PDK3: variants seen among roughly 807,000 people sequenced by gnomAD.
PDK3 encodes pyruvate dehydrogenase kinase, isozyme 3.
A neutral mutation model predicts 32.0 loss-of-function variants in PDK3; 12 were observed. That is an observed-to-expected ratio of 0.37 (90% confidence interval 0.24 to 0.61). PDK3 has a LOEUF of 0.61. Among genes scored for constraint, PDK3 ranks in the 20% least tolerant of loss-of-function variants. PDK3 has a pLI of 0.65. For missense variants in PDK3, 188 were observed against 316.9 expected (o/e 0.59, Z 3.09); for synonymous variants, 122 against 116.3 (o/e 1.05, Z -0.31).
intron 1 of PDK3, among the ~76,000 whole-genome samples, chrX:24,491,278 CAAAAAAA>C (rs55876160): frequency 1.5e-5 from 1 of 68,809 alleles, no homozygotes; most frequent in Non-Finnish European, 2.9e-5. Flanking sequence ...GACCCTGTCT[CAAAAAAA>C]AAAAAAAAGA....
chrX:24,503,420 G>A lies in PDK3; in HGVS notation c.414G>A (p.Gly138=). 1.7e-6 allele frequency: 2 copies of A among 1,205,072 alleles called. No individual in the cohort carries two copies. The highest frequency in any genetic ancestry group is 3.0e-5 in the East Asian group (1 of 33,757). Residue 138 remains glycine, a synonymous_variant, in exon 4 of 11, where the codon GGG becomes GGA. Transcript: ENST00000379162. ...QGVIEYKEKF[G]FDPFISTNIQ... is the part of the protein sequence containing the mutation. ...TGATTGAATACAAGGAGAAGTTTGG[G>A]TTTGATCCTTTCATTAGCACTAACA...
chrX:24,499,189 A>G (rs1782508428), intron 3 of PDK3: 1 of 160,937 alleles, frequency 6.2e-6, no homozygotes, highest in Admixed American at 8.3e-5. Flanking sequence ...TAAATGTTCC[A>G]TCTAGTGGTA....
At chrX:24,487,425 C>T (rs780797554) in intron 1 of PDK3, among the ~76,000 whole-genome samples, 2 of 111,841 alleles carry the variant, frequency 1.8e-5, no homozygotes, top group Admixed American at 9.5e-5. Context: ...CTATTGGGTA[C>T]TGTGCACACT....
intron 2 of PDK3, among the ~76,000 whole-genome samples, chrX:24,498,134 C>T (rs935769947): frequency 1.8e-5 from 2 of 112,382 alleles, no homozygotes; most frequent in African/African-American, 6.5e-5. Context: ...AAGTTCTTGG[C>T]AGGCACTTCA....
intron 6 of PDK3, among the ~76,000 whole-genome samples, chrX:24,520,565 C>G (rs998375358): frequency 8.9e-6 from 1 of 111,984 alleles, no homozygotes; most frequent in Non-Finnish European, 1.9e-5. Context: ...TTTGCACATT[C>G]CTTTTTTTAT....
intron 1 of PDK3, among the ~76,000 whole-genome samples, chrX:24,488,403 CAG>C (rs751183236): frequency 7.4e-4 from 83 of 112,375 alleles, no homozygotes; most frequent in African/African-American, 2.6e-3. Flanking sequence ...AAAAAACAAA[CAG>C]AGGCCAGGCG....
At chrX:24,500,731 G>A (rs992760919) in intron 3 of PDK3, among the ~76,000 whole-genome samples, 2 of 111,894 alleles carry the variant, frequency 1.8e-5, no homozygotes, top group African/African-American at 6.5e-5. Flanking sequence ...TTTACCAAGA[G>A]GTTGTATGGG....
exon 12 of PDK3, chrX:24,546,023 C>T (rs1356030902): frequency 1.8e-5 from 2 of 111,982 alleles, no homozygotes; most frequent in African/African-American, 6.5e-5. Flanking sequence ...GTTAGTGATT[C>T]CTGAGTTTTT....
At chrX:24,483,294 G>A (rs181321487) in intron 1 of PDK3, among the ~76,000 whole-genome samples, 37 of 111,765 alleles carry the variant, frequency 3.3e-4, no homozygotes, top group African/African-American at 1.0e-3. Flanking sequence ...ATGACAACAG[G>A]GCATCCTGTA....
intron 8 of PDK3, 91 bp downstream of exon 8, chrX:24,527,766 T>C (rs1313565232): frequency 3.6e-6 from 2 of 549,069 alleles, no homozygotes; most frequent in Non-Finnish European, 5.9e-6. Context: ...GAAATTGACA[T>C]TTATTGAGTG....
At chrX:24,538,445 T>C (rs1922823461), downstream of PDK3, among the ~76,000 whole-genome samples, 2 of 112,067 alleles carry the variant, frequency 1.8e-5, no homozygotes, top group East Asian at 2.8e-4. Context: ...GAGAGTTTTA[T>C]TGAGATTAAT....
chrX:24,537,282 A>ATTTTTT (rs1167543267), downstream of PDK3, among the ~76,000 whole-genome samples: 8 of 65,676 alleles, frequency 1.2e-4, no homozygotes, highest in African/African-American at 1.2e-4. Context: ...ACGCCTGGCT[A>ATTTTTT]TTTTTTTTTT....
chrX:24,468,068 A>G (rs1387057477), intron 1 of PDK3, among the ~76,000 whole-genome samples: 1 of 112,058 alleles, frequency 8.9e-6, no homozygotes, highest in Non-Finnish European at 1.9e-5. Flanking sequence ...CATTTTGACT[A>G]GAGTAACTAG....
At chrX:24,482,530 T>C (rs1921289392) in intron 1 of PDK3, among the ~76,000 whole-genome samples, 1 of 112,122 alleles carries the variant, frequency 8.9e-6, no homozygotes, top group East Asian at 2.8e-4. Context: ...CAGTTTAACA[T>C]AGTATACCAT....
chrX:24,496,771 C>CTTTTTTTTTTTT (rs376346872), intron 2 of PDK3, among the ~76,000 whole-genome samples: 1 of 35,393 alleles, frequency 2.8e-5, no homozygotes, highest in African/African-American at 1.5e-4. Flanking sequence ...TCAAAATAAT[C>CTTTTTTTTTTTT]TTTTTTTTTT....
At chrX:24,507,850 T>C (rs1381865540) in intron 5 of PDK3, among the ~76,000 whole-genome samples, 4 of 111,432 alleles carry the variant, frequency 3.6e-5, no homozygotes, top group Non-Finnish European at 7.5e-5. Context: ...TTAAAAATAT[T>C]TACACATGAT....
At chrX:24,497,952 C>G (rs1921758301) in intron 2 of PDK3, among the ~76,000 whole-genome samples, 1 of 111,906 alleles carries the variant, frequency 8.9e-6, no homozygotes, top group Non-Finnish European at 1.9e-5. Context: ...TTTCTGTGTT[C>G]TCCAGATTTT....
exon 12 of PDK3, chrX:24,549,080 A>G (rs1923051678): frequency 8.9e-6 from 1 of 111,844 alleles, no homozygotes; most frequent in Non-Finnish European, 1.9e-5. Flanking sequence ...AATATCCCAA[A>G]TGTTTAATGA....
chrX:24,504,392 A>G (rs1335420453), intron 4 of PDK3, among the ~76,000 whole-genome samples: 4 of 112,434 alleles, frequency 3.6e-5, no homozygotes, highest in Non-Finnish European at 1.9e-5. Context: ...ACACATGTAC[A>G]CATATATACG....
Sources: gnomAD v4.1 joint callset for allele counts (sites outside exome capture counted in the v4.1 genomes callset) on GRCh38, gnomAD v4.1.1 for gene constraint, MANE v1.5 for transcripts, NCBI Gene and HGNC (gene_info 2026-07-23, HGNC 2026-07-21) for gene names.